CDH18: variants seen among roughly 807,000 people sequenced by gnomAD.
The protein encoded by CDH18 is cadherin-18.
A neutral mutation model predicts 67.9 loss-of-function variants in CDH18; 31 were observed. The ratio of observed to expected loss-of-function variants is 0.46; its 90% CI spans 0.34 to 0.62. CDH18 has a LOEUF of 0.62. CDH18 is among the 20% of genes least tolerant of loss of function. The probability of loss-of-function intolerance (pLI) is 0.01; values close to 1 mark genes in which losing one functional copy is unlikely to be tolerated. For synonymous variants in CDH18, 362 were observed against 347.2 expected, an observed-to-expected ratio of 1.04 and a Z score of -0.48; for missense variants, 890 against 975.5, an observed-to-expected ratio of 0.91 and a Z score of 1.17.
intron 11 of CDH18, among the ~76,000 whole-genome samples, chr5:19,488,565 T>C (rs766509369): frequency 9.9e-5 from 15 of 152,198 alleles, no homozygotes; most frequent in Non-Finnish European, 2.2e-4. Flanking sequence ...TGAGTTTTTT[T>C]CAGTCTTGCG....
intron 6 of CDH18, among the ~76,000 whole-genome samples, chr5:19,606,314 T>C (rs779408670): frequency 5.3e-5 from 8 of 152,044 alleles, no homozygotes; most frequent in African/African-American, 1.2e-4. Context: ...AAAATGAGCA[T>C]TGGCTAAAAC....
intron 2 of CDH18, among the ~76,000 whole-genome samples, chr5:20,181,918 C>T (rs1366047417): frequency 6.6e-6 from 1 of 152,092 alleles, no homozygotes; most frequent in Non-Finnish European, 1.5e-5. Flanking sequence ...TTCTTGGCTT[C>T]AAAGTGTATT....
intron 2 of CDH18, among the ~76,000 whole-genome samples, chr5:20,172,223 T>TATACATATATATATATATAC (rs1554098639): frequency 4.6e-5 from 2 of 43,918 alleles, no homozygotes; most frequent in South Asian, 1.5e-3. Flanking sequence ...TATATATATA[T>TATACATATATATATATATAC]GTATATATAT....
chr5:20,382,287 T>C (rs190028170), intron 1 of CDH18, among the ~76,000 whole-genome samples: 1 of 152,210 alleles, frequency 6.6e-6, no homozygotes, highest in African/African-American at 2.4e-5. Context: ...TTTATTTATA[T>C]AAATACTGAG....
rs70954644 is a variant in CDH18, at chr5:20,250,589, C to CT, written c.-518+4854dup. 2.1e-3 allele frequency among the ~76,000 whole-genome samples: 70 copies of CT among 33,570 alleles called. 18 individuals carry two copies. The highest frequency in any genetic ancestry group is 0.011 in the African/African-American group (68 of 6,470). The allele number at this position is 33,570 out of a possible 152,430, so 22.0% of individuals were successfully genotyped here. A position where few individuals can be genotyped will look rare whatever the true frequency, so the allele number is the denominator to read the frequency against. On this transcript the variant is annotated intron_variant, in intron 2 of 14. Coordinates refer to the CDH18 transcript ENST00000507958. ...TACAGGCGTGAGCCACGGCCCATGG[C>CT]TTTTTTTTTTTTTTTTTTTTTTTTT...
At chr5:19,916,573 A>G (rs543273463) in intron 2 of CDH18, among the ~76,000 whole-genome samples, 13 of 152,294 alleles carry the variant, frequency 8.5e-5, no homozygotes, top group African/African-American at 2.9e-4. Context: ...TCTCTCAGCT[A>G]CAGCATAAGA....
At chr5:20,287,344 T>C (rs1451860000) in intron 1 of CDH18, among the ~76,000 whole-genome samples, 1 of 151,762 alleles carries the variant, frequency 6.6e-6, no homozygotes, top group Non-Finnish European at 1.5e-5. Context: ...ATGTTAGGCA[T>C]AGAGTGTTTT....
chr5:20,194,940 A>G (rs1367612393), intron 2 of CDH18, among the ~76,000 whole-genome samples: 1 of 152,000 alleles, frequency 6.6e-6, no homozygotes, highest in Non-Finnish European at 1.5e-5. Flanking sequence ...TTCTGTTTCA[A>G]TTTTTTATTT....
At chr5:19,581,239 A>G (rs1743202499) in intron 7 of CDH18, among the ~76,000 whole-genome samples, 2 of 151,892 alleles carry the variant, frequency 1.3e-5, no homozygotes. Context: ...TTTAAATTTT[A>G]GTTTCTTAAT....
intron 1 of CDH18, among the ~76,000 whole-genome samples, chr5:20,363,233 C>G (rs1000135380): frequency 6.6e-6 from 1 of 150,902 alleles, no homozygotes; most frequent in African/African-American, 2.4e-5. Flanking sequence ...GCCTGTAATC[C>G]CAGCACTTTG....
intron 1 of CDH18, among the ~76,000 whole-genome samples, chr5:20,382,967 A>G (rs1744033661): frequency 6.6e-6 from 1 of 152,096 alleles, no homozygotes; most frequent in Admixed American, 6.6e-5. Context: ...AAATAGGAAC[A>G]TCTCTATTAA....
intron 1 of CDH18, among the ~76,000 whole-genome samples, chr5:20,353,449 A>AT (rs1163642974): frequency 6.6e-6 from 1 of 152,222 alleles, no homozygotes; most frequent in Non-Finnish European, 1.5e-5. Context: ...ATTAATAAAG[A>AT]TATGCTAGAT....
At chr5:20,304,549 C>T (rs1736248557) in intron 1 of CDH18, 1 of 1,611,754 alleles carries the variant, frequency 6.2e-7, no homozygotes, top group Non-Finnish European at 8.5e-7. Context: ...GCCAAATAAA[C>T]TGGAGTTTCC....
At chr5:19,796,268 A>C (rs923347566) in intron 3 of CDH18, among the ~76,000 whole-genome samples, 7 of 152,130 alleles carry the variant, frequency 4.6e-5, no homozygotes, top group Non-Finnish European at 7.4e-5. Context: ...CCACAACAAG[A>C]TTTAACATAA....
chr5:19,487,245 A>G (rs1455572910), intron 11 of CDH18, among the ~76,000 whole-genome samples: 2 of 152,236 alleles, frequency 1.3e-5, no homozygotes, highest in Admixed American at 6.5e-5. Context: ...TGATAGATAG[A>G]TTAGATAGAC....
chr5:20,250,921 G>A (rs1376866442), intron 2 of CDH18, among the ~76,000 whole-genome samples: 3 of 151,990 alleles, frequency 2.0e-5, no homozygotes. Flanking sequence ...AATGCATTTA[G>A]ATAAAAATTC....
chr5:19,812,614 A>C (rs1295879146), intron 3 of CDH18, among the ~76,000 whole-genome samples: 1 of 152,122 alleles, frequency 6.6e-6, no homozygotes, highest in Admixed American at 6.6e-5. Context: ...ACAAAACAAG[A>C]AACAACCTAA....
chr5:20,020,861 A>G (rs950453647), intron 2 of CDH18, among the ~76,000 whole-genome samples: 7 of 152,068 alleles, frequency 4.6e-5, no homozygotes, highest in Non-Finnish European at 7.4e-5. Flanking sequence ...TGAGAAGAAG[A>G]CCACCATCAT....
At chr5:20,332,128 A>T (rs1006454662) in intron 1 of CDH18, among the ~76,000 whole-genome samples, 1 of 147,960 alleles carries the variant, frequency 6.8e-6, no homozygotes, top group Non-Finnish European at 1.5e-5. Context: ...TGATGTCTAT[A>T]AAAAAAATTT....
Sources: gnomAD v4.1 joint callset for allele counts (sites outside exome capture counted in the v4.1 genomes callset) on GRCh38, gnomAD v4.1.1 for gene constraint, MANE v1.5 for transcripts, NCBI Gene and HGNC (gene_info 2026-07-23, HGNC 2026-07-21) for gene names.